The following VPS13B variants were observed in gnomAD, a reference collection of about 807,000 sequenced individuals.
VPS13B encodes the protein vacuolar protein sorting 13 homolog B.
Under a neutral mutation model 426.4 loss-of-function variants are expected in VPS13B, and 285 were observed. That is an observed-to-expected ratio of 0.67 (90% CI 0.61 to 0.74). The LOEUF (loss-of-function observed/expected upper bound fraction) is 0.74. Among genes scored for constraint, VPS13B ranks in the 30% least tolerant of loss-of-function variants. VPS13B has a pLI of 0.00. For synonymous variants in VPS13B, 1,676 were observed against 1,676.4 expected (o/e 1.00, Z 0.01); for missense variants, 4,537 against 4,782.6 (o/e 0.95, Z 1.51).
At chr8:99,530,450 A>G (rs946071022) in intron 30 of VPS13B, among the ~76,000 whole-genome samples, 11 of 152,044 alleles carry the variant, frequency 7.2e-5, no homozygotes, top group Admixed American at 3.9e-4. Context: ...CCCTATTTCT[A>G]CTAAAAATAC....
At chr8:99,693,380 G>C (rs1429068647) in intron 35 of VPS13B, among the ~76,000 whole-genome samples, 1 of 150,350 alleles carries the variant, frequency 6.7e-6, no homozygotes, top group Non-Finnish European at 1.5e-5. Flanking sequence ...GGGATGCAAG[G>C]CTGGTTCAAT....
Position 99,875,535 on chromosome 8 carries a change from G to A in VPS13B, c.11863G>A (p.Val3955Met). ...TTCTTCCATGCAAATACCATGCCCT[G>A]TGGTGGCTGCAGAACCTCCCCCCTC... ...SCSSMQIPCP[V>M]VAAEPPPSTV... Residue 3955 changes from valine (V) to methionine (M), a missense_variant, in exon 62 of 62, where the codon GTG becomes ATG. Around this residue, in one of 2 missense-constraint regions of VPS13B, gnomAD observed 4,311 missense variants for 4,474.3 expected, o/e 0.96. Transcript: ENST00000357162. The A allele has an allele frequency of 1.2e-6, 2 of 1,614,108 alleles. No individual in the cohort carries two copies. Among genetic ancestry groups the A allele is most frequent in the Non-Finnish European group, 1.7e-6 (2 of 1,179,962 alleles).
intron 26 of VPS13B, 141 bp downstream of exon 26, chr8:99,501,999 T>C: frequency 9.1e-7 from 1 of 1,100,784 alleles, no homozygotes; most frequent in South Asian, 1.4e-5. Context: ...CTGTCTTTCC[T>C]TTCTGACAGA....
At chr8:99,814,066 G>T (rs1813877849) in intron 44 of VPS13B, among the ~76,000 whole-genome samples, 2 of 152,294 alleles carry the variant, frequency 1.3e-5, no homozygotes, top group Non-Finnish European at 2.9e-5. Context: ...CTTGAGCCGA[G>T]GAGTTCAAGG....
intron 33 of VPS13B, among the ~76,000 whole-genome samples, chr8:99,594,366 G>C (rs181689095): frequency 1.3e-5 from 2 of 151,774 alleles, no homozygotes; most frequent in East Asian, 3.9e-4. Flanking sequence ...TTCCCCAATG[G>C]GGTTGTTGTA....
intron 19 of VPS13B, among the ~76,000 whole-genome samples, chr8:99,359,536 A>G (rs1200891444): frequency 6.6e-6 from 1 of 152,228 alleles, no homozygotes; most frequent in Non-Finnish European, 1.5e-5. Context: ...TGAAGTATAT[A>G]CTAGATATAT....
chr8:99,389,836 A>G (rs954134048), intron 20 of VPS13B: 2 of 152,162 alleles, frequency 1.3e-5, no homozygotes, highest in African/African-American at 4.8e-5. Context: ...AGGAATATAA[A>G]TGGACAAAAA....
intron 34 of VPS13B, among the ~76,000 whole-genome samples, chr8:99,660,233 A>G (rs1234015831): frequency 6.6e-6 from 1 of 152,218 alleles, no homozygotes; most frequent in African/African-American, 2.4e-5. Flanking sequence ...CAAATTTCAT[A>G]AGGATCACAT....
intron 16 of VPS13B, among the ~76,000 whole-genome samples, chr8:99,179,226 G>T (rs1812810635): frequency 6.6e-6 from 1 of 152,066 alleles, no homozygotes; most frequent in Non-Finnish European, 1.5e-5. Flanking sequence ...TAAGAATTTA[G>T]ACAGGTGTTC....
intron 33 of VPS13B, among the ~76,000 whole-genome samples, chr8:99,580,268 T>C (rs1339233947): frequency 6.7e-6 from 1 of 150,326 alleles, no homozygotes; most frequent in Admixed American, 6.6e-5. Context: ...TGCAACATAG[T>C]TCTATAAGAA....
At chr8:99,254,420 C>T (rs191694311) in intron 17 of VPS13B, among the ~76,000 whole-genome samples, 103 of 151,696 alleles carry the variant, frequency 6.8e-4, no homozygotes, top group African/African-American at 2.4e-3. Context: ...TCATTTTTCC[C>T]CCTCTATACA....
chr8:99,392,135 A>G (rs910775436), intron 21 of VPS13B, among the ~76,000 whole-genome samples: 1 of 152,172 alleles, frequency 6.6e-6, no homozygotes, highest in Non-Finnish European at 1.5e-5. Context: ...CACCACCTCT[A>G]CTTAAAAGAC....
intron 44 of VPS13B, among the ~76,000 whole-genome samples, chr8:99,815,325 G>C (rs1813966247): frequency 6.6e-6 from 1 of 152,076 alleles, no homozygotes; most frequent in South Asian, 2.1e-4. Context: ...AGTCTGGCAA[G>C]TTCAAGACCC....
At chr8:99,559,333 A>G (rs1042552469) in intron 31 of VPS13B, among the ~76,000 whole-genome samples, 6 of 152,178 alleles carry the variant, frequency 3.9e-5, no homozygotes, top group Non-Finnish European at 7.3e-5. Flanking sequence ...TAGATTGCAA[A>G]AATGTTCTCC....
intron 7 of VPS13B, among the ~76,000 whole-genome samples, chr8:99,118,003 T>G (rs967029823): frequency 6.6e-6 from 1 of 152,188 alleles, no homozygotes; most frequent in Admixed American, 6.5e-5. Flanking sequence ...AATCAGAGTA[T>G]GTAGATATAA....
At chr8:99,695,382 G>T (rs1205406325) in intron 35 of VPS13B, among the ~76,000 whole-genome samples, 3 of 150,678 alleles carry the variant, frequency 2.0e-5, no homozygotes, top group Admixed American at 1.3e-4. Flanking sequence ...AAAATGATGA[G>T]TTCATGTCCT....
chr8:99,081,692 A>G (rs1482588759), intron 3 of VPS13B, among the ~76,000 whole-genome samples: 1 of 149,874 alleles, frequency 6.7e-6, no homozygotes, highest in Non-Finnish European at 1.5e-5. Context: ...ATTCCCACCT[A>G]TGAGTGAGAA....
At chr8:99,830,547 G>A (rs1379956115) in intron 51 of VPS13B, among the ~76,000 whole-genome samples, 1 of 152,166 alleles carries the variant, frequency 6.6e-6, no homozygotes, top group Non-Finnish European at 1.5e-5. Flanking sequence ...CCCTGGGGGT[G>A]GGATCCACTG....
intron 35 of VPS13B, among the ~76,000 whole-genome samples, chr8:99,691,881 G>A (rs573297715): frequency 3.3e-4 from 48 of 146,342 alleles, no homozygotes; most frequent in Admixed American, 2.2e-3. Flanking sequence ...AAAAAAGGCA[G>A]GGGTTGCAAT....
Sources: allele counts gnomAD v4.1 joint callset (sites outside exome capture counted in the v4.1 genomes callset), GRCh38; gene constraint gnomAD v4.1.1; regional missense constraint gnomAD v4.1.1; transcripts MANE v1.5; gene names NCBI Gene and HGNC (gene_info 2026-07-23, HGNC 2026-07-21).